MAML2: variants seen among roughly 807,000 people sequenced by gnomAD.
MAML2 encodes the protein mastermind like transcriptional coactivator 2.
In MAML2, 22 loss-of-function variants were observed where a neutral mutation model predicts 96.1. That is an observed-to-expected ratio of 0.23 (90% CI 0.16 to 0.33). The LOEUF is 0.33. MAML2 is among the 10% of genes least tolerant of loss of function. The pLI is 1.00. For missense variants in MAML2, 1,367 were observed against 1,392.4 expected (o/e 0.98, Z 0.29); for synonymous variants, 561 against 521.3 (o/e 1.08, Z -1.04).
intron 1 of MAML2, among the ~76,000 whole-genome samples, chr11:96,255,865 C>CTTTTTTT (rs141609329): frequency 5.1e-5 from 4 of 77,918 alleles, no homozygotes; most frequent in Non-Finnish European, 7.0e-5. Flanking sequence ...CCCCCACCGC[C>CTTTTTTT]TTTTTTTTTT....
intron 1 of MAML2, among the ~76,000 whole-genome samples, chr11:96,114,589 G>A (rs1667105197): frequency 6.6e-6 from 1 of 152,168 alleles, no homozygotes; most frequent in Non-Finnish European, 1.5e-5. Context: ...CTGTGCTGAT[G>A]GGAAAGCCCA....
chr11:96,009,590 C>G (rs1858236951), intron 2 of MAML2, among the ~76,000 whole-genome samples: 1 of 152,174 alleles, frequency 6.6e-6, no homozygotes, highest in Admixed American at 6.5e-5. Flanking sequence ...GTAGAACCAA[C>G]TGTGTACTTA....
intron 1 of MAML2, among the ~76,000 whole-genome samples, chr11:96,168,618 G>A (rs531087048): frequency 2.6e-4 from 40 of 152,256 alleles, no homozygotes; most frequent in African/African-American, 9.1e-4. Context: ...ATCACATTTT[G>A]AAAAATACTA....
chr11:96,167,327 T>G (rs1257068491), intron 1 of MAML2, among the ~76,000 whole-genome samples: 1 of 152,134 alleles, frequency 6.6e-6, no homozygotes, highest in African/African-American at 2.4e-5. Context: ...TTGCTCTTAC[T>G]CCTTCAATCT....
At chr11:96,064,797 C>G (rs1859220044) in intron 2 of MAML2, among the ~76,000 whole-genome samples, 1 of 152,182 alleles carries the variant, frequency 6.6e-6, no homozygotes, top group Non-Finnish European at 1.5e-5. Context: ...GTGCTTAGAA[C>G]AGTGCCTAGC....
At chr11:96,004,556 C>G (rs1858146852) in intron 2 of MAML2, among the ~76,000 whole-genome samples, 1 of 152,000 alleles carries the variant, frequency 6.6e-6, no homozygotes, top group Admixed American at 6.6e-5. Flanking sequence ...AGTGAGAAAT[C>G]CAAGAAAATT....
intron 2 of MAML2, among the ~76,000 whole-genome samples, chr11:96,052,767 A>G (rs1859007597): frequency 6.6e-6 from 1 of 152,236 alleles, no homozygotes; most frequent in Non-Finnish European, 1.5e-5. Context: ...TTCTGCTTCC[A>G]GAGCTGCTCA....
At chr11:96,064,111 T>G (rs535935379) in intron 2 of MAML2, among the ~76,000 whole-genome samples, 1 of 152,320 alleles carries the variant, frequency 6.6e-6, no homozygotes. Flanking sequence ...AATGCCAGGT[T>G]AGTACCAAGG....
At chr11:96,278,308 TA>T (rs1483898276) in intron 1 of MAML2, among the ~76,000 whole-genome samples, 1 of 152,212 alleles carries the variant, frequency 6.6e-6, no homozygotes, top group African/African-American at 2.4e-5. Context: ...TGGAGTAAAT[TA>T]ATCTCTTTCA....
At position 96,093,092 on chromosome 11, in the gene MAML2, C is replaced by G. The variant is rs1255618515; in HGVS notation, c.939G>C (p.Leu313=). ...TCATGGGAGGCACAGATATGTTGGT[C>G]AGTTCATTGAACAGTTCCTGCAGCT... The part of the protein sequence containing the change: ...DPELQELFNE[L]TNISVPPMSD... The change falls in exon 2 of 5, where the codon CTG becomes CTC. Residue 313 remains leucine, a synonymous_variant. Transcript: ENST00000524717. 1 of 1,613,988 alleles carries G rather than the reference C, an allele frequency of 6.2e-7. No homozygotes were observed. The highest frequency in any genetic ancestry group is 8.5e-7 in the Non-Finnish European group (1 of 1,179,888).
chr11:96,245,705 A>T (rs962520350), intron 1 of MAML2, among the ~76,000 whole-genome samples: 40 of 136,942 alleles, frequency 2.9e-4, no homozygotes, highest in Admixed American at 2.6e-3. Context: ...CCCATACCTA[A>T]TTTTTTTTTT....
intron 2 of MAML2, among the ~76,000 whole-genome samples, chr11:95,996,668 G>C (rs1857994334): frequency 6.6e-6 from 1 of 152,066 alleles, no homozygotes. Context: ...CACTGCTCTT[G>C]CATTTTTTTG....
At chr11:96,011,152 C>G (rs1436362046) in intron 2 of MAML2, among the ~76,000 whole-genome samples, 2 of 152,164 alleles carry the variant, frequency 1.3e-5, no homozygotes, top group Admixed American at 6.5e-5. Flanking sequence ...CTGTGGAAAG[C>G]AGTTTGGAGA....
chr11:96,189,776 CT>C (rs1488210211), intron 1 of MAML2, among the ~76,000 whole-genome samples: 1 of 152,134 alleles, frequency 6.6e-6, no homozygotes, highest in Non-Finnish European at 1.5e-5. Context: ...GAAGCTAATT[CT>C]TCATTCAGAA....
chr11:96,141,067 G>GATA (rs1860723160), intron 1 of MAML2, among the ~76,000 whole-genome samples: 1 of 152,112 alleles, frequency 6.6e-6, no homozygotes, highest in Admixed American at 6.5e-5. Flanking sequence ...CCATACTGTT[G>GATA]ACCATATCTT....
At chr11:96,299,764 G>T (rs139930603) in intron 1 of MAML2, among the ~76,000 whole-genome samples, 2 of 152,176 alleles carry the variant, frequency 1.3e-5, no homozygotes, top group African/African-American at 4.8e-5. Context: ...AGCACACCCT[G>T]CAGTAGCTTC....
chr11:96,246,055 C>G (rs1260264252), intron 1 of MAML2, among the ~76,000 whole-genome samples: 1 of 151,266 alleles, frequency 6.6e-6, no homozygotes, highest in Non-Finnish European at 1.5e-5. Context: ...TTATCATGTG[C>G]TAGGTACTAT....
intron 2 of MAML2, among the ~76,000 whole-genome samples, chr11:96,073,063 T>G (rs1859372427): frequency 6.6e-6 from 1 of 152,206 alleles, no homozygotes; most frequent in African/African-American, 2.4e-5. Context: ...AGTACAATCT[T>G]AGGGAACAGA....
intron 1 of MAML2, among the ~76,000 whole-genome samples, chr11:96,307,089 C>T (rs569320070): frequency 6.6e-6 from 1 of 152,272 alleles, no homozygotes; most frequent in East Asian, 1.9e-4. Context: ...AGTTTGGCAC[C>T]TCGCCCAACA....
Sources: allele counts gnomAD v4.1 joint callset (sites outside exome capture counted in the v4.1 genomes callset), GRCh38; gene constraint gnomAD v4.1.1; transcripts MANE v1.5; gene names NCBI Gene and HGNC (gene_info 2026-07-23, HGNC 2026-07-21).